FHIT: variants seen among roughly 807,000 people sequenced by gnomAD.
The protein encoded by FHIT is fragile histidine triad diadenosine triphosphatase.
A neutral mutation model predicts 17.9 loss-of-function variants in FHIT; 19 were observed. That is an observed-to-expected ratio of 1.06 (90% CI 0.74 to 1.56). The LOEUF (loss-of-function observed/expected upper bound fraction) is 1.56, where lower values mean the gene tolerates loss of function less well. FHIT is among the 40% of genes most tolerant of loss of function. The probability of loss-of-function intolerance (pLI) is 0.00; values close to 1 mark genes in which losing one functional copy is unlikely to be tolerated. For missense variants in FHIT, 248 were observed against 189.2 expected (o/e 1.31, Z -1.82); for synonymous variants, 81 against 69.7 (o/e 1.16, Z -0.81).
chr3:61,165,377 C>T (rs1311717812), intron 2 of FHIT, among the ~76,000 whole-genome samples: 1 of 152,022 alleles, frequency 6.6e-6, no homozygotes, highest in East Asian at 1.9e-4. Flanking sequence ...ATTTGCATTT[C>T]TCTGATGATT....
At chr3:60,318,367 AT>A (rs1232175305) in intron 5 of FHIT, among the ~76,000 whole-genome samples, 1 of 152,212 alleles carries the variant, frequency 6.6e-6, no homozygotes, top group Non-Finnish European at 1.5e-5. Context: ...CAAGAGTGAA[AT>A]AGAAATCAAC....
At chr3:59,975,941 C>G (rs894916830) in intron 7 of FHIT, among the ~76,000 whole-genome samples, 1 of 152,100 alleles carries the variant, frequency 6.6e-6, no homozygotes, top group Non-Finnish European at 1.5e-5. Flanking sequence ...TCCAGTTCCT[C>G]CCCTGTACTA....
chr3:59,797,047 A>G (rs1699804885), intron 8 of FHIT, among the ~76,000 whole-genome samples: 1 of 152,232 alleles, frequency 6.6e-6, no homozygotes, highest in Non-Finnish European at 1.5e-5. Flanking sequence ...AGGTTTCATC[A>G]TATATTTAAC....
intron 3 of FHIT, among the ~76,000 whole-genome samples, chr3:60,986,356 T>A (rs1331653018): frequency 6.6e-6 from 1 of 152,210 alleles, no homozygotes; most frequent in African/African-American, 2.4e-5. Flanking sequence ...CTGGAATAGA[T>A]CTTGGCCTTT....
chr3:59,921,950 A>G (rs975699538), intron 8 of FHIT, among the ~76,000 whole-genome samples: 2 of 152,178 alleles, frequency 1.3e-5, no homozygotes, highest in South Asian at 4.1e-4. Flanking sequence ...CTGAGTTCCA[A>G]AGTGTTTTAA....
At chr3:61,054,742 C>T (rs2034155394) in intron 2 of FHIT, among the ~76,000 whole-genome samples, 1 of 152,178 alleles carries the variant, frequency 6.6e-6, no homozygotes, top group Non-Finnish European at 1.5e-5. Context: ...TCTGGATGGA[C>T]AGCTGTCTCC....
At chr3:59,777,891 G>T (rs1322873094) in intron 8 of FHIT, among the ~76,000 whole-genome samples, 2 of 152,064 alleles carry the variant, frequency 1.3e-5, no homozygotes, top group Non-Finnish European at 2.9e-5. Context: ...CTCTACCCCA[G>T]GTTTCCCCGG....
intron 4 of FHIT, among the ~76,000 whole-genome samples, chr3:60,641,621 C>A (rs1199745804): frequency 6.6e-6 from 1 of 152,120 alleles, no homozygotes; most frequent in Non-Finnish European, 1.5e-5. Context: ...TCTCCAGAGA[C>A]TGATCTACTT....
intron 5 of FHIT, among the ~76,000 whole-genome samples, chr3:60,326,022 A>G (rs751668211): frequency 6.6e-6 from 1 of 152,122 alleles, no homozygotes; most frequent in African/African-American, 2.4e-5. Context: ...CACAGAAGAG[A>G]TAAGAACTTG....
chr3:60,561,222 C>T (rs75469893), intron 4 of FHIT, among the ~76,000 whole-genome samples: 6,786 of 151,890 alleles, frequency 0.045, 500 homozygotes, highest in African/African-American at 0.15. Context: ...ATCAGATAGA[C>T]GCTAAGGTAG....
chr3:59,866,466 T>C (rs1430961814), intron 8 of FHIT, among the ~76,000 whole-genome samples: 2 of 152,118 alleles, frequency 1.3e-5, no homozygotes, highest in Admixed American at 6.5e-5. Context: ...CAATGGAAGG[T>C]TGACAACGGG....
At position 61,226,259 on chromosome 3, in the gene FHIT, G is replaced by T. The variant is rs965384273; in HGVS notation, c.-213+25042C>A. ...AAAGAAGGTGCTAGTCAAATCTCAG[G>T]CCTTTTGATAACGGGAAACACTTCC... On this transcript the variant is annotated intron_variant, in intron 1 of 9. Coordinates refer to ENST00000492590, the MANE Select transcript of FHIT (RefSeq NM_002012.4). Among the ~76,000 whole-genome samples the T allele has an allele frequency of 9.2e-5, 14 of 152,084 alleles. No homozygotes were observed. In the East Asian group the frequency reaches 2.1e-3, roughly 23 times the overall value.
chr3:60,896,174 T>A (rs1705811025), intron 3 of FHIT, among the ~76,000 whole-genome samples: 1 of 152,028 alleles, frequency 6.6e-6, no homozygotes, highest in African/African-American at 2.4e-5. Flanking sequence ...CTATCCCCGC[T>A]CCCCTGCCAC....
intron 5 of FHIT, among the ~76,000 whole-genome samples, chr3:60,195,379 C>A (rs145451893): frequency 6.6e-6 from 1 of 151,518 alleles, no homozygotes; most frequent in Non-Finnish European, 1.5e-5. Context: ...AGTTGACCTA[C>A]CATTCTATCT....
intron 4 of FHIT, among the ~76,000 whole-genome samples, chr3:60,745,712 T>C (rs925229475): frequency 6.6e-6 from 1 of 152,156 alleles, no homozygotes; most frequent in Non-Finnish European, 1.5e-5. Flanking sequence ...TGACATATTC[T>C]AACAATAGTT....
At chr3:60,535,598 T>A (rs2035952562) in intron 5 of FHIT, among the ~76,000 whole-genome samples, 1 of 151,904 alleles carries the variant, frequency 6.6e-6, no homozygotes, top group African/African-American at 2.4e-5. Context: ...TGTTTTTTTT[T>A]AATAAACAGA....
intron 2 of FHIT, among the ~76,000 whole-genome samples, chr3:61,130,337 G>A (rs1188551165): frequency 6.6e-6 from 1 of 152,134 alleles, no homozygotes; most frequent in Non-Finnish European, 1.5e-5. Context: ...GCTCAGTGCC[G>A]AAAAGATTTC....
At chr3:60,288,085 T>G (rs1193588769) in intron 5 of FHIT, among the ~76,000 whole-genome samples, 1 of 152,192 alleles carries the variant, frequency 6.6e-6, no homozygotes, top group Non-Finnish European at 1.5e-5. Context: ...CAGACTTGGC[T>G]GAAGCTGAAG....
At chr3:60,566,287 T>C (rs553000512) in intron 4 of FHIT, among the ~76,000 whole-genome samples, 1 of 152,104 alleles carries the variant, frequency 6.6e-6, no homozygotes, top group Non-Finnish European at 1.5e-5. Context: ...ATCCCTGGGA[T>C]GCAAGGCTGG....
Sources: gnomAD v4.1 joint callset for allele counts (sites outside exome capture counted in the v4.1 genomes callset) on GRCh38, gnomAD v4.1.1 for gene constraint, MANE v1.5 for transcripts, NCBI Gene and HGNC (gene_info 2026-07-23, HGNC 2026-07-21) for gene names.